ARK2N: variants seen among roughly 807,000 people sequenced by gnomAD.
ARK2N encodes the protein protein ARK2N.
chr18:46,254,453 A>C, the ARK2N span, among the ~76,000 whole-genome samples: 178 of 152,360 alleles, frequency 1.2e-3, no homozygotes, highest in African/African-American at 4.1e-3. Context: ...AGGGGTCAGC[A>C]AACTGTGGCC....
the ARK2N span, among the ~76,000 whole-genome samples, chr18:46,256,418 T>TAA: frequency 7.9e-5 from 12 of 151,462 alleles, no homozygotes; most frequent in Admixed American, 1.3e-4. Flanking sequence ...CTTCTTTTTT[T>TAA]AAAAAAAAAT....
the ARK2N span, among the ~76,000 whole-genome samples, chr18:46,185,414 A>G: frequency 2.6e-5 from 4 of 152,358 alleles, no homozygotes; most frequent in African/African-American, 9.6e-5. Flanking sequence ...CATGTGCCAC[A>G]GTCAGAAAAA....
At chr18:46,245,985 C>G in the ARK2N span, among the ~76,000 whole-genome samples, 1 of 151,418 alleles carries the variant, frequency 6.6e-6, no homozygotes, top group African/African-American at 2.4e-5. Context: ...CAAAGACCTA[C>G]ACAGGCAGAG....
chr18:46,190,158 A>C, the ARK2N span, among the ~76,000 whole-genome samples: 2 of 152,196 alleles, frequency 1.3e-5, no homozygotes, highest in African/African-American at 4.8e-5. Flanking sequence ...TGAAAACCTA[A>C]ATAGAATTTT....
chr18:46,255,923 A>G, the ARK2N span, among the ~76,000 whole-genome samples: 2 of 152,080 alleles, frequency 1.3e-5, no homozygotes, highest in Non-Finnish European at 2.9e-5. Flanking sequence ...CAGATGAGAA[A>G]GCTAGAACTA....
chr18:46,231,626 G>T, the ARK2N span, among the ~76,000 whole-genome samples: 1 of 134,604 alleles, frequency 7.4e-6, no homozygotes, highest in Non-Finnish European at 1.5e-5. Flanking sequence ...AGAATATACA[G>T]TAACTAATTT....
chr18:46,265,141 A>C, the ARK2N span: 1 of 152,646 alleles, frequency 6.6e-6, no homozygotes, highest in Non-Finnish European at 1.5e-5. Context: ...TTTTGACTTG[A>C]ATTAAAATAC....
chr18:46,229,788 A>G, the ARK2N span, among the ~76,000 whole-genome samples: 1 of 151,590 alleles, frequency 6.6e-6, no homozygotes, highest in Non-Finnish European at 1.5e-5. Context: ...ATTTTTTGCA[A>G]AGGTGGGGTC....
At chr18:46,224,187 T>C in the ARK2N span, among the ~76,000 whole-genome samples, 1 of 152,212 alleles carries the variant, frequency 6.6e-6, no homozygotes, top group Non-Finnish European at 1.5e-5. Flanking sequence ...ACAGGGCACT[T>C]CAGCCATTAA....
At chr18:46,259,622 T>G in the ARK2N span, among the ~76,000 whole-genome samples, 1 of 151,774 alleles carries the variant, frequency 6.6e-6, no homozygotes, top group Non-Finnish European at 1.5e-5. Flanking sequence ...TTTGTTTTTA[T>G]TTTTTGAGAC....
chr18:46,189,810 G>T, the ARK2N span, among the ~76,000 whole-genome samples: 1 of 152,176 alleles, frequency 6.6e-6, no homozygotes, highest in Admixed American at 6.5e-5. Context: ...GGTGCAGTGA[G>T]TGATGATCAT....
chr18:46,238,309 T>C, the ARK2N span, among the ~76,000 whole-genome samples: 1 of 152,174 alleles, frequency 6.6e-6, no homozygotes, highest in Admixed American at 6.5e-5. Context: ...ATAGAACATA[T>C]GGTCAAATAG....
chr18:46,181,076 A>G, the ARK2N span, among the ~76,000 whole-genome samples: 1 of 151,988 alleles, frequency 6.6e-6, no homozygotes, highest in Non-Finnish European at 1.5e-5. Context: ...CCTAGCCAAC[A>G]TGATGAAACC....
At chr18:46,176,789 G>C in the ARK2N span, among the ~76,000 whole-genome samples, 1 of 152,072 alleles carries the variant, frequency 6.6e-6, no homozygotes, top group Non-Finnish European at 1.5e-5. Context: ...GGCTAATTTT[G>C]TATTTTTAGT....
chr18:46,200,549 G>C, the ARK2N span, among the ~76,000 whole-genome samples: 1 of 151,984 alleles, frequency 6.6e-6, no homozygotes, highest in African/African-American at 2.4e-5. Context: ...CTCATGATCC[G>C]CCCGCCTCAG....
At chr18:46,179,197 C>A in the ARK2N span, among the ~76,000 whole-genome samples, 1 of 152,108 alleles carries the variant, frequency 6.6e-6, no homozygotes, top group Non-Finnish European at 1.5e-5. Flanking sequence ...CCCACCTTGG[C>A]CTCCCAAAGT....
the ARK2N span, among the ~76,000 whole-genome samples, chr18:46,214,172 A>G: frequency 8.4e-3 from 1,276 of 152,326 alleles, 7 homozygotes; most frequent in Non-Finnish European, 0.015. Context: ...TGGGCTTGGC[A>G]TGTTAGATCT....
chr18:46,248,673 C>T, the ARK2N span, among the ~76,000 whole-genome samples: 1 of 152,182 alleles, frequency 6.6e-6, no homozygotes, highest in Non-Finnish European at 1.5e-5. Flanking sequence ...AAACCTCCGC[C>T]TCCTGGGTTC....
At chr18:46,177,175 A>G in the ARK2N span, among the ~76,000 whole-genome samples, 1 of 152,206 alleles carries the variant, frequency 6.6e-6, no homozygotes. Flanking sequence ...GGCAAAATGA[A>G]GTACATATGA....
Sources: gnomAD v4.1 joint callset for allele counts (sites outside exome capture counted in the v4.1 genomes callset) on GRCh38, gnomAD v4.1.1 for gene constraint, MANE v1.5 for transcripts, NCBI Gene and HGNC (gene_info 2026-07-23, HGNC 2026-07-21) for gene names.